Variants in HPSE2 observed in about 807,000 individuals in gnomAD.
HPSE2 encodes inactive heparanase-2.
A neutral mutation model predicts 60.5 loss-of-function variants in HPSE2; 38 were observed. The ratio of observed to expected loss-of-function variants is 0.63; its 90% CI spans 0.48 to 0.82. HPSE2 has a LOEUF of 0.82. Among genes scored for constraint, HPSE2 ranks in the 40% least tolerant of loss-of-function variants. The probability of loss-of-function intolerance (pLI) is 0.00; values close to 1 mark genes in which losing one functional copy is unlikely to be tolerated. For synonymous variants in HPSE2, 295 were observed against 293.2 expected, an observed-to-expected ratio of 1.01 and a Z score of -0.06; for missense variants, 713 against 740.4, an observed-to-expected ratio of 0.96 and a Z score of 0.43.
intron 3 of HPSE2, among the ~76,000 whole-genome samples, chr10:99,101,978 T>C (rs986989857): frequency 3.3e-5 from 5 of 152,172 alleles, no homozygotes; most frequent in African/African-American, 9.7e-5. Flanking sequence ...GGGACACATT[T>C]AATGCAGTGT....
intron 11 of HPSE2, among the ~76,000 whole-genome samples, chr10:98,473,536 A>G (rs1940874395): frequency 6.6e-6 from 1 of 150,770 alleles, no homozygotes; most frequent in Admixed American, 6.6e-5. Flanking sequence ...GAGAGAGAGA[A>G]AGAAAGAAAG....
the HPSE2 span, among the ~76,000 whole-genome samples, chr10:99,295,173 T>C: frequency 2.0e-5 from 3 of 152,246 alleles, no homozygotes; most frequent in African/African-American, 7.2e-5. Context: ...TAAGAGGTTT[T>C]CATGTGTTGA....
intron 3 of HPSE2, among the ~76,000 whole-genome samples, chr10:99,058,562 C>T (rs1277099937): frequency 6.6e-6 from 1 of 152,146 alleles, no homozygotes; most frequent in African/African-American, 2.4e-5. Context: ...CTCCTCTTGA[C>T]TAGTCTTAGC....
In HPSE2 at chr10:98,580,836, A is replaced by ATATGTGTG; in HGVS notation, c.1320+34067_1320+34068insCACACATA. ...GTTGTGCTTGGTTTTATATATATAT[A>ATATGTGTG]TGTGTGTGTGTGTGTGTGTGTGTGT... On this transcript the variant is annotated intron_variant, in intron 9 of 11. Transcript: ENST00000370552. Among the ~76,000 whole-genome samples, 464 of 119,550 alleles carry ATATGTGTG rather than the reference A, an allele frequency of 3.9e-3. 9 individuals are homozygous for ATATGTGTG. The highest frequency in any genetic ancestry group is 0.016 in the African/African-American group (444 of 27,932). 78.4% of individuals were successfully genotyped at this position (119,550 alleles called of 152,430 possible).
chr10:99,129,310 C>G (rs1181339049), intron 3 of HPSE2, among the ~76,000 whole-genome samples: 2 of 152,136 alleles, frequency 1.3e-5, no homozygotes, highest in Non-Finnish European at 2.9e-5. Context: ...ACAGAACATT[C>G]TACTCAACAT....
intron 3 of HPSE2, among the ~76,000 whole-genome samples, chr10:98,888,707 T>C (rs756277022): frequency 6.6e-6 from 1 of 152,154 alleles, no homozygotes; most frequent in Non-Finnish European, 1.5e-5. Context: ...CATAATTCAT[T>C]TATATATCAA....
At chr10:98,943,975 G>A (rs763560122) in intron 3 of HPSE2, among the ~76,000 whole-genome samples, 4 of 152,168 alleles carry the variant, frequency 2.6e-5, no homozygotes, top group Admixed American at 6.6e-5. Context: ...TTTTGGAGTA[G>A]TCTGTTACAC....
intron 11 of HPSE2, among the ~76,000 whole-genome samples, chr10:98,481,061 C>T (rs936663983): frequency 1.2e-4 from 18 of 152,290 alleles, no homozygotes; most frequent in African/African-American, 4.3e-4. Context: ...TTTGGCCAGT[C>T]CCCTCCACAC....
intron 3 of HPSE2, among the ~76,000 whole-genome samples, chr10:98,978,261 G>A (rs981397575): frequency 3.5e-4 from 53 of 151,936 alleles, no homozygotes; most frequent in African/African-American, 1.2e-3. Context: ...CTATGGTTTC[G>A]AAGGAATCAT....
intron 3 of HPSE2, among the ~76,000 whole-genome samples, chr10:98,747,759 C>A (rs1949662806): frequency 1.3e-5 from 2 of 152,292 alleles, no homozygotes; most frequent in African/African-American, 4.8e-5. Flanking sequence ...TTATCTGTGA[C>A]ATAATATTAT....
intron 5 of HPSE2, among the ~76,000 whole-genome samples, chr10:98,720,339 T>C (rs948253802): frequency 6.6e-6 from 1 of 151,884 alleles, no homozygotes; most frequent in Non-Finnish European, 1.5e-5. Context: ...CTAACCAAAT[T>C]TGGGGGATAA....
At chr10:98,725,521 A>T in intron 4 of HPSE2, among the ~76,000 whole-genome samples, 1 of 152,186 alleles carries the variant, frequency 6.6e-6, no homozygotes, top group East Asian at 1.9e-4. Flanking sequence ...TGTTAGACCT[A>T]AAACCATAAA....
At chr10:98,539,737 CT>C (rs1693714864) in intron 9 of HPSE2, among the ~76,000 whole-genome samples, 1 of 152,024 alleles carries the variant, frequency 6.6e-6, no homozygotes, top group African/African-American at 2.4e-5. Context: ...CCTCTGATTG[CT>C]TTTCTTTTCT....
At chr10:99,160,973 T>A (rs1034175739) in intron 2 of HPSE2, among the ~76,000 whole-genome samples, 2 of 150,180 alleles carry the variant, frequency 1.3e-5, no homozygotes, top group Non-Finnish European at 3.0e-5. Flanking sequence ...CCTATCACTC[T>A]GAGTGGCCAG....
At chr10:98,745,957 G>C (rs1470146984) in intron 3 of HPSE2, among the ~76,000 whole-genome samples, 1 of 152,112 alleles carries the variant, frequency 6.6e-6, no homozygotes, top group Non-Finnish European at 1.5e-5. Flanking sequence ...TCATTGGGTT[G>C]AGTATTTTAT....
chr10:99,098,335 T>C (rs2862512), intron 3 of HPSE2, among the ~76,000 whole-genome samples: 128,218 of 152,242 alleles, frequency 0.84, 55,059 homozygotes, highest in South Asian at 0.97. Flanking sequence ...TATGAAAATA[T>C]TAACCCATTT....
chr10:98,535,607 T>C (rs768802098), intron 9 of HPSE2, among the ~76,000 whole-genome samples: 2 of 152,212 alleles, frequency 1.3e-5, no homozygotes, highest in African/African-American at 4.8e-5. Flanking sequence ...TTGATATATA[T>C]ATCTCAGTCT....
chr10:98,484,536 C>T lies in HPSE2; in HGVS notation c.1467-1754G>A, dbSNP rs117442803. 1.5e-4 allele frequency among the ~76,000 whole-genome samples: 23 copies of T among 152,378 alleles called. No homozygotes were observed. The East Asian group carries it at 4.4e-3, about 29-fold the overall frequency. ...ACAGGCGTTAGACACCATGCCCGGA[C>T]ACCTTTGCCTATTTTTCTGTTGATT... On this transcript the variant is annotated intron_variant, in intron 10 of 11. Transcript: ENST00000370552.
intron 3 of HPSE2, among the ~76,000 whole-genome samples, chr10:99,116,614 AC>A (rs1477108561): frequency 5.9e-5 from 9 of 152,200 alleles, no homozygotes; most frequent in African/African-American, 1.7e-4. Context: ...CCTACTCCGA[AC>A]CTGCCAACCT....
Sources: gnomAD v4.1 joint callset for allele counts (sites outside exome capture counted in the v4.1 genomes callset) on GRCh38, gnomAD v4.1.1 for gene constraint, MANE v1.5 for transcripts, NCBI Gene and HGNC (gene_info 2026-07-23, HGNC 2026-07-21) for gene names.